Variants in VPS35L observed in about 807,000 individuals in gnomAD.
VPS35L encodes VPS35 endosomal protein sorting factor like, also known as VPS35 endosomal protein-sorting factor-like.
Under a neutral mutation model 133.0 loss-of-function variants are expected in VPS35L, and 83 were observed. That is an observed-to-expected ratio of 0.62 (90% CI 0.52 to 0.75). The LOEUF (loss-of-function observed/expected upper bound fraction) is 0.75. Ranked by LOEUF, VPS35L falls within the 30% of genes least tolerant of loss-of-function variation. The pLI, the probability that VPS35L is intolerant of heterozygous loss-of-function variation, is 0.00. For synonymous variants in VPS35L, 423 were observed against 449.9 expected, an observed-to-expected ratio of 0.94 and a Z score of 0.76; for missense variants, 1,083 against 1,206.8, an observed-to-expected ratio of 0.90 and a Z score of 1.52.
chr16:19,593,658 T>TGTAA (rs1007588196), intron 8 of VPS35L, among the ~76,000 whole-genome samples: 29 of 151,452 alleles, frequency 1.9e-4, no homozygotes, highest in African/African-American at 6.8e-4. Flanking sequence ...TCATCACACT[T>TGTAA]GTAATCCCAA....
intron 9 of VPS35L, among the ~76,000 whole-genome samples, chr16:19,603,285 A>T (rs1395030957): frequency 6.6e-6 from 1 of 151,838 alleles, no homozygotes; most frequent in African/African-American, 2.4e-5. Context: ...TGCTGCATCT[A>T]CATTGTCCAG....
intron 21 of VPS35L, among the ~76,000 whole-genome samples, chr16:19,641,043 G>T (rs903181931): frequency 4.0e-5 from 6 of 151,568 alleles, no homozygotes; most frequent in Non-Finnish European, 7.4e-5. Context: ...CCTAGCTAGG[G>T]TTTTATTTTT....
chr16:19,629,461 C>T (rs1597376405), intron 17 of VPS35L, among the ~76,000 whole-genome samples: 3 of 151,916 alleles, frequency 2.0e-5, no homozygotes, highest in South Asian at 4.2e-4. Context: ...ATTACATGAT[C>T]ATGCGTTCAG....
At chr16:19,624,003 C>A (rs1374699343) in intron 14 of VPS35L, among the ~76,000 whole-genome samples, 1 of 149,888 alleles carries the variant, frequency 6.7e-6, no homozygotes, top group Non-Finnish European at 1.5e-5. Flanking sequence ...GAGGTTTCGC[C>A]ATGTTGCCCA....
chr16:19,643,830 T>C (rs559545081), intron 22 of VPS35L, among the ~76,000 whole-genome samples: 56 of 151,464 alleles, frequency 3.7e-4, no homozygotes, highest in South Asian at 1.3e-3. Flanking sequence ...CCTTGGAACG[T>C]GCCTGTAATC....
intron 9 of VPS35L, among the ~76,000 whole-genome samples, chr16:19,604,434 C>T (rs1485018500): frequency 6.6e-6 from 1 of 152,194 alleles, no homozygotes; most frequent in Admixed American, 6.5e-5. Flanking sequence ...ACTTTTATCA[C>T]TAAAATTCTT....
rs777311864 is a variant in VPS35L at position 19,699,618 on chromosome 16, G to C, written c.2763G>C (p.Gln921His). The stretch of plus-strand genomic sequence containing the variant: ...CCGTCAACCTGTGGCACCTGGCACA[G>C]AGGCACGGCTGTGCAGACACCAGGA... ...QLSVNLWHLA[Q>H]RHGCADTRTM... The change falls in exon 30 of 31, where the codon CAG becomes CAC. Residue 921 changes from glutamine to histidine, a missense_variant. Gln to His is a conservative substitution (Grantham distance 24). Coordinates refer to ENST00000417362, the MANE Select transcript of VPS35L (RefSeq NM_020314.7). This position sits in a 1 kb window ranked among gnomAD's most constrained non-coding sequence, Gnocchi z 4.2. 6.2e-7 allele frequency: 1 copy of C among 1,614,036 alleles called. No homozygotes were observed. Among genetic ancestry groups the C allele is most frequent in the Non-Finnish European group, 8.5e-7 (1 of 1,180,034 alleles).
intron 26 of VPS35L, among the ~76,000 whole-genome samples, chr16:19,659,381 C>G (rs991940146): frequency 6.6e-6 from 1 of 152,134 alleles, no homozygotes; most frequent in Non-Finnish European, 1.5e-5. Context: ...TCTGATGGTA[C>G]TACCGAAGCT....
intron 3 of VPS35L, 109 bp from the exon 4 acceptor site, chr16:19,573,010 A>C (rs371889): frequency 1.6e-6 from 2 of 1,246,288 alleles, no homozygotes; most frequent in Non-Finnish European, 2.2e-6. Context: ...CCTTGAGACA[A>C]ATCTCTTTTA....
intron 14 of VPS35L, among the ~76,000 whole-genome samples, chr16:19,625,828 C>G (rs972025364): frequency 6.6e-6 from 1 of 152,132 alleles, no homozygotes; most frequent in Non-Finnish European, 1.5e-5. Context: ...CACCCGCTAT[C>G]ACACCTGGCT....
chr16:19,629,780 G>A lies in VPS35L; in HGVS notation c.1514G>A (p.Cys505Tyr). Residue 505 changes from cysteine (C) to tyrosine (Y), a missense_variant, in exon 18 of 31, where the codon TGT (cysteine) becomes TAT (tyrosine). Coordinates refer to ENST00000417362, the MANE Select transcript of VPS35L (RefSeq NM_020314.7). ...TTCTCTTTGTAGGACTACATTAATT[G>A]TGCCGAAGTGTGGGTGGAATACACC... ...KLKNPQDYIN[C>Y]AEVWVEYTCK... 1.1e-5 allele frequency: 17 copies of A among 1,613,792 alleles called. No homozygotes were observed. The highest frequency in any genetic ancestry group is 1.4e-5 in the Non-Finnish European group (16 of 1,179,728).
In VPS35L at chr16:19,642,550, C is replaced by A. The variant is rs1597387977; in HGVS notation, c.1865+74C>A. 4 of 1,173,356 alleles carry A rather than the reference C, an allele frequency of 3.4e-6. No homozygotes were observed. In the South Asian group the frequency reaches 5.9e-5, roughly 17 times the overall value. The allele number at this position is 1,173,356 out of a possible 1,614,324, so 72.7% of individuals were successfully genotyped here. ...CACCTAATAGGACATTAGGGAATGA[C>A]TGCTTTAAGCTGCCACTGTGAATAA... On this transcript the variant is annotated intron_variant, in intron 22 of 30. Coordinates refer to ENST00000417362, the MANE Select transcript of VPS35L (RefSeq NM_020314.7).
intron 15 of VPS35L, among the ~76,000 whole-genome samples, chr16:19,626,725 G>A (rs1208224331): frequency 6.6e-6 from 1 of 151,822 alleles, no homozygotes; most frequent in East Asian, 2.0e-4. Context: ...TCATGACACT[G>A]TACTCTAGCT....
At chr16:19,625,588 A>C (rs114043808) in intron 14 of VPS35L, among the ~76,000 whole-genome samples, 1 of 151,792 alleles carries the variant, frequency 6.6e-6, no homozygotes, top group South Asian at 2.1e-4. Flanking sequence ...AGAGTTGGCA[A>C]CTCTTCCGAA....
Position 19,699,416 on chromosome 16 carries a change from C to T in VPS35L, c.2647-86C>T. 3 of 1,525,030 alleles carry T rather than the reference C, an allele frequency of 2.0e-6. No homozygotes were observed. The highest frequency in any genetic ancestry group is 1.8e-5 in the Admixed American group (1 of 54,304). The allele number at this position is 1,525,030 out of a possible 1,614,324, so 94.5% of individuals were successfully genotyped here. On this transcript the variant is annotated intron_variant, in intron 29 of 30. Transcript: ENST00000417362. This position sits in a 1 kb window ranked among gnomAD's most constrained non-coding sequence, Gnocchi z 4.2. The stretch of plus-strand genomic sequence containing the variant: ...GGCACTGGAACTCAGGCATGACCTA[C>T]CCCAGAGTCAGCACTGTCCACAGCA...
At chr16:19,691,675 C>T (rs1197993455) in intron 29 of VPS35L, among the ~76,000 whole-genome samples, 4 of 152,204 alleles carry the variant, frequency 2.6e-5, no homozygotes, top group Admixed American at 6.5e-5. Flanking sequence ...CTTCCCCTGG[C>T]TGTTCCTTCT....
At chr16:19,574,675 A>G (rs1485489473) in intron 4 of VPS35L, among the ~76,000 whole-genome samples, 1 of 151,920 alleles carries the variant, frequency 6.6e-6, no homozygotes, top group African/African-American at 2.4e-5. Context: ...CCCCTGGGTC[A>G]TCATTTGGCA....
chr16:19,638,723 C>CT lies in VPS35L; in HGVS notation c.1698+1067_1698+1068insT, dbSNP rs1355088969. Among the ~76,000 whole-genome samples, 31 of 152,120 alleles carry CT rather than the reference C, an allele frequency of 2.0e-4. 1 individual carries two copies. The highest frequency in any genetic ancestry group is 1.6e-3 in the Admixed American group (25 of 15,264). On this transcript the variant is annotated intron_variant, in intron 20 of 30. Coordinates refer to ENST00000417362, the MANE Select transcript of VPS35L (RefSeq NM_020314.7). The stretch of plus-strand genomic sequence containing the variant: ...GCAGGTAGCATCTACAATGTGGAGA[C>CT]GCTAGACAAAGGGATGACTCACAAC...
At chr16:19,558,007 T>C (rs984184872) in intron 1 of VPS35L, among the ~76,000 whole-genome samples, 6 of 151,982 alleles carry the variant, frequency 3.9e-5, no homozygotes, top group African/African-American at 1.4e-4. Context: ...GAGGCGGAGG[T>C]TGCAGTGAGC....
Sources: gnomAD v4.1 joint callset for allele counts (sites outside exome capture counted in the v4.1 genomes callset) on GRCh38, gnomAD v4.1.1 for gene constraint, Gnocchi (gnomAD v3.1) non-coding constraint, MANE v1.5 for transcripts, NCBI Gene and HGNC (gene_info 2026-07-23, HGNC 2026-07-21) for gene names.